The following DCC variants were observed in gnomAD, a reference collection of about 807,000 sequenced individuals.
DCC encodes DCC netrin 1 receptor.
Under a neutral mutation model 172.5 loss-of-function variants are expected in DCC, and 58 were observed. The ratio of observed to expected loss-of-function variants is 0.34; its 90% CI spans 0.27 to 0.42. DCC has a LOEUF of 0.42. DCC is among the 10% of genes least tolerant of loss of function. The pLI is 1.00. For synonymous variants in DCC, 709 were observed against 644.5 expected (o/e 1.10, Z -1.52); for missense variants, 1,740 against 1,791.0 (o/e 0.97, Z 0.51).
At chr18:52,801,178 G>A (rs1033623385) in intron 2 of DCC, among the ~76,000 whole-genome samples, 1 of 152,160 alleles carries the variant, frequency 6.6e-6, no homozygotes, top group Admixed American at 6.5e-5. Flanking sequence ...TGAGGCTTAA[G>A]AATTATAGAA....
intron 1 of DCC, among the ~76,000 whole-genome samples, 198 bp downstream of exon 1, chr18:52,341,076 T>C (rs1045537729): frequency 1.4e-5 from 2 of 143,972 alleles, no homozygotes; most frequent in Non-Finnish European, 3.1e-5. Flanking sequence ...GGGGGGGTGG[T>C]ACAAGGGGCG....
intron 1 of DCC, among the ~76,000 whole-genome samples, chr18:52,724,974 T>A (rs2036530279): frequency 6.6e-6 from 1 of 152,224 alleles, no homozygotes; most frequent in Non-Finnish European, 1.5e-5. Context: ...ACATGAAATG[T>A]CTTTCTCACC....
At chr18:52,596,206 C>G (rs2033907184) in intron 1 of DCC, among the ~76,000 whole-genome samples, 3 of 152,172 alleles carry the variant, frequency 2.0e-5, no homozygotes, top group African/African-American at 2.4e-5. Context: ...AGCCTTCTAC[C>G]TATAAGAATT....
At chr18:53,474,352 C>A (rs2045735670) in intron 25 of DCC, among the ~76,000 whole-genome samples, 1 of 152,070 alleles carries the variant, frequency 6.6e-6, no homozygotes, top group Admixed American at 6.5e-5. Context: ...AAACCTGATG[C>A]ATCTATATAA....
intron 5 of DCC, among the ~76,000 whole-genome samples, chr18:52,987,289 CCAAAAA>C (rs1266923058): frequency 6.6e-6 from 1 of 151,980 alleles, no homozygotes; most frequent in Non-Finnish European, 1.5e-5. Context: ...ACAATGGCTA[CCAAAAA>C]CAAAAACAAA....
At chr18:52,413,338 T>A (rs182254652) in intron 1 of DCC, among the ~76,000 whole-genome samples, 1 of 151,602 alleles carries the variant, frequency 6.6e-6, no homozygotes, top group African/African-American at 2.4e-5. Flanking sequence ...GCAAACTGAA[T>A]CTTTTTCTGT....
At chr18:53,311,669 A>C (rs183479951) in intron 13 of DCC, among the ~76,000 whole-genome samples, 1 of 152,338 alleles carries the variant, frequency 6.6e-6, no homozygotes, top group East Asian at 1.9e-4. Flanking sequence ...TAATACCCAT[A>C]TTATTACTTA....
At chr18:53,066,187 C>G in intron 7 of DCC, 21 bp downstream of exon 7, 3 of 1,609,578 alleles carry the variant, frequency 1.9e-6, no homozygotes, top group Non-Finnish European at 2.6e-6. Context: ...GGGAACCTTG[C>G]TTTGGTACCT....
At chr18:53,459,490 C>T (rs1432453322) in intron 24 of DCC, 32 bp downstream of exon 24, 1 of 1,396,658 alleles carries the variant, frequency 7.2e-7, no homozygotes, top group Admixed American at 1.7e-5. Flanking sequence ...TTAGGGAAAA[C>T]ATACCATTCT....
At chr18:52,665,203 G>T (rs1404800648) in intron 1 of DCC, among the ~76,000 whole-genome samples, 1 of 152,150 alleles carries the variant, frequency 6.6e-6, no homozygotes, top group Non-Finnish European at 1.5e-5. Context: ...TTTTGGCATG[G>T]CAGGATCTCT....
chr18:52,858,756 C>T (rs1040328737), intron 2 of DCC, among the ~76,000 whole-genome samples: 1 of 152,180 alleles, frequency 6.6e-6, no homozygotes, highest in Admixed American at 6.5e-5. Context: ...TCTTGTATCC[C>T]TTCTGTGGAA....
In DCC at chr18:52,469,610, T is replaced by C. The variant is rs568322874; in HGVS notation, c.91+128732T>C. 5.7e-4 allele frequency among the ~76,000 whole-genome samples: 87 copies of C among 152,200 alleles called. 1 individual carries two copies. The highest frequency in any genetic ancestry group is 9.4e-4 in the Non-Finnish European group (64 of 68,050). ...AGAAATAATTACATTTTACAAAAAT[T>C]GTAAAATTTTAGCTTTAATTGGGTG... On this transcript the variant is annotated intron_variant, in intron 1 of 28. Coordinates refer to ENST00000442544, the MANE Select transcript of DCC (RefSeq NM_005215.4).
At chr18:53,115,682 A>C (rs1357746740) in intron 7 of DCC, among the ~76,000 whole-genome samples, 1 of 151,646 alleles carries the variant, frequency 6.6e-6, no homozygotes, top group Non-Finnish European at 1.5e-5. Context: ...TAAAAGTAAG[A>C]GATATTCTTT....
intron 1 of DCC, among the ~76,000 whole-genome samples, chr18:52,516,913 A>G (rs989097896): frequency 1.3e-5 from 2 of 152,136 alleles, no homozygotes; most frequent in Non-Finnish European, 2.9e-5. Context: ...CCTGCCATTT[A>G]TTTGTAGGAA....
chr18:53,258,109 T>C (rs947352332), intron 12 of DCC, among the ~76,000 whole-genome samples: 1 of 152,198 alleles, frequency 6.6e-6, no homozygotes, highest in Non-Finnish European at 1.5e-5. Context: ...TGTTTTCTTC[T>C]TTATTAGTCT....
chr18:53,178,374 A>G (rs986987690), intron 8 of DCC, among the ~76,000 whole-genome samples: 9 of 152,230 alleles, frequency 5.9e-5, no homozygotes, highest in South Asian at 4.1e-4. Flanking sequence ...GAGCAAGACA[A>G]ACAGGCATAT....
chr18:52,628,964 A>G (rs2034625123), intron 1 of DCC, among the ~76,000 whole-genome samples: 1 of 152,166 alleles, frequency 6.6e-6, no homozygotes, highest in Non-Finnish European at 1.5e-5. Flanking sequence ...CTGGGAAAGG[A>G]TTTGTTACAC....
At chr18:52,430,666 T>A (rs1987591657) in intron 1 of DCC, among the ~76,000 whole-genome samples, 1 of 152,174 alleles carries the variant, frequency 6.6e-6, no homozygotes, top group African/African-American at 2.4e-5. Flanking sequence ...GCAAAACCGC[T>A]GTGGAATAAG....
intron 7 of DCC, among the ~76,000 whole-genome samples, chr18:53,074,393 C>T (rs753514181): frequency 2.6e-5 from 4 of 152,150 alleles, no homozygotes; most frequent in African/African-American, 4.8e-5. Context: ...AAAAGTGCAA[C>T]TTAATATTTT....
Sources: allele counts gnomAD v4.1 joint callset (sites outside exome capture counted in the v4.1 genomes callset), GRCh38; gene constraint gnomAD v4.1.1; transcripts MANE v1.5; gene names NCBI Gene and HGNC (gene_info 2026-07-23, HGNC 2026-07-21).